The following INTS8 variants were observed in gnomAD, a reference collection of about 807,000 sequenced individuals.
INTS8 encodes integrator complex subunit 8, also known as protein kaonashi-1.
A neutral mutation model predicts 138.9 loss-of-function variants in INTS8; 47 were observed. The ratio of observed to expected loss-of-function variants is 0.34; its 90% CI spans 0.27 to 0.43. The LOEUF is 0.43. INTS8 is among the 20% of genes least tolerant of loss of function. The probability of loss-of-function intolerance (pLI) is 1.00; values close to 1 mark genes in which losing one functional copy is unlikely to be tolerated. For missense variants in INTS8, 996 were observed against 1,173.0 expected (o/e 0.85, Z 2.20); for synonymous variants, 392 against 400.9 (o/e 0.98, Z 0.27).
At chr8:94,834,892 GAGTA>G (rs1387807885) in intron 6 of INTS8, among the ~76,000 whole-genome samples, 1 of 152,150 alleles carries the variant, frequency 6.6e-6, no homozygotes, top group Non-Finnish European at 1.5e-5. Flanking sequence ...TTTGGAAGAG[GAGTA>G]AGTATCTGTT....
At chr8:94,857,071 C>CTT (rs376956021) in intron 15 of INTS8, 93 bp downstream of exon 15, 6,667 of 542,356 alleles carry the variant, frequency 0.012, 9 homozygotes, top group African/African-American at 0.018. Flanking sequence ...AGTTTGTAAT[C>CTT]TTTTTTTTTT....
intron 26 of INTS8, among the ~76,000 whole-genome samples, chr8:94,879,133 T>G (rs1390087260): frequency 6.6e-6 from 1 of 152,228 alleles, no homozygotes; most frequent in African/African-American, 2.4e-5. Context: ...GATACCTGTT[T>G]GAAACAACTC....
chr8:94,844,532 G>T (rs1815260205), intron 10 of INTS8, among the ~76,000 whole-genome samples: 1 of 152,060 alleles, frequency 6.6e-6, no homozygotes, highest in Admixed American at 6.6e-5. Context: ...GGCCAGGCTG[G>T]TCTTGAACTC....
At chr8:94,840,620 C>T (rs1397957638) in intron 8 of INTS8, among the ~76,000 whole-genome samples, 5 of 145,750 alleles carry the variant, frequency 3.4e-5, no homozygotes, top group East Asian at 4.0e-4. Flanking sequence ...TGCAGTGGCA[C>T]GATCTTGGTT....
At chr8:94,875,863 C>G in intron 23 of INTS8, 1 of 484,636 alleles carries the variant, frequency 2.1e-6, no homozygotes, top group Non-Finnish European at 3.7e-6. Context: ...TCAAACAAAC[C>G]TCTAAAATTT....
chr8:94,859,708 G>A, intron 16 of INTS8, 76 bp downstream of exon 16: 1 of 1,188,410 alleles, frequency 8.4e-7, no homozygotes, highest in South Asian at 1.4e-5. Context: ...ACTACTTTGG[G>A]AACTTGTCTA....
Position 94,876,166 on chromosome 8 carries a change from AAAT to A in INTS8, c.2762+23_2762+25del. The stretch of plus-strand genomic sequence containing the variant: ...AAAACAGGTATGAATAATATTTTAA[AAAT>A]AATGAGGTCAACATTTTTCTGCTTA... On this transcript the variant is annotated intron_variant, in intron 24 of 26. Transcript: ENST00000523731. 6.2e-7 allele frequency: 1 copy of A among 1,605,726 alleles called. No individual in the cohort carries two copies. The highest frequency in any genetic ancestry group is 8.5e-7 in the Non-Finnish European group (1 of 1,172,936).
intron 6 of INTS8, among the ~76,000 whole-genome samples, chr8:94,833,609 T>C (rs1814808390): frequency 6.6e-6 from 1 of 152,208 alleles, no homozygotes; most frequent in Non-Finnish European, 1.5e-5. Flanking sequence ...ATGACACTTC[T>C]GATTTTTGCA....
intron 16 of INTS8, among the ~76,000 whole-genome samples, chr8:94,861,256 ATTTT>A (rs1210530804): frequency 7.0e-4 from 40 of 57,384 alleles, no homozygotes; most frequent in African/African-American, 2.4e-3. Context: ...CCTTTTTGTA[ATTTT>A]TTTTTTTTTT....
intron 1 of INTS8, among the ~76,000 whole-genome samples, chr8:94,824,550 C>T (rs1814408964): frequency 6.6e-6 from 1 of 152,136 alleles, no homozygotes; most frequent in Non-Finnish European, 1.5e-5. Context: ...ATATTTATAT[C>T]TCATTCTTCT....
intron 16 of INTS8, among the ~76,000 whole-genome samples, chr8:94,862,859 ACACACACG>A (rs1045838924): frequency 2.6e-4 from 39 of 151,900 alleles, no homozygotes; most frequent in East Asian, 1.4e-3. Flanking sequence ...TGCACCACAC[ACACACACG>A]CACACACGTG....
chr8:94,834,393 G>GTGTA (rs1389307107), intron 6 of INTS8, among the ~76,000 whole-genome samples: 2 of 151,568 alleles, frequency 1.3e-5, no homozygotes, highest in South Asian at 2.1e-4. Flanking sequence ...GTGTGTGTGT[G>GTGTA]TGTGTATTTT....
Position 94,880,639 on chromosome 8 carries a change from A to G in INTS8, c.*405A>G. On this transcript the variant is annotated 3_prime_UTR_variant, in exon 27 of 27. Coordinates refer to ENST00000523731, the MANE Select transcript of INTS8 (RefSeq NM_017864.4). ...TATTTAATACTCTTCTTCCTTAAGA[A>G]AATAGAAGTTTAGGTCAAGTGTTAA... The G allele has an allele frequency of 2.6e-6, 1 of 382,458 alleles. No homozygotes were observed. 23.7% of individuals were successfully genotyped at this position (382,458 alleles called of 1,614,324 possible).
Position 94,870,653 on chromosome 8 carries a change from A to G in INTS8, c.2415-1231A>G, listed in dbSNP as rs1816363204. ...GTAAGCCAATCTAACTTATATAACT[A>G]TTTAAATTTAAATAAATAATGGACT... On this transcript the variant is annotated intron_variant, in intron 20 of 26. Coordinates refer to ENST00000523731, the MANE Select transcript of INTS8 (RefSeq NM_017864.4). Among the ~76,000 whole-genome samples the G allele has an allele frequency of 2.0e-5, 3 of 152,334 alleles. No individual in the cohort carries two copies. The South Asian group carries it at 6.2e-4, about 32-fold the overall frequency.
rs955971451 is a variant in INTS8 at position 94,823,625 on chromosome 8, C to G, written c.130+64C>G. ...CACCGGCGCTGTCCGCCCAGCTTCC[C>G]TCCGCTCCCCGCCTTCTCGGTCACC... On this transcript the variant is annotated intron_variant, in intron 1 of 26. Coordinates refer to ENST00000523731, the MANE Select transcript of INTS8 (RefSeq NM_017864.4). 43 of 1,314,984 alleles carry G rather than the reference C, an allele frequency of 3.3e-5. 1 individual carries two copies. In the Admixed American group the frequency reaches 1.1e-3, roughly 33 times the overall value. The allele number at this position is 1,314,984 out of a possible 1,614,324, so 81.5% of individuals were successfully genotyped here.
At chr8:94,854,778 C>T (rs994025327) in intron 14 of INTS8, among the ~76,000 whole-genome samples, 33 of 152,174 alleles carry the variant, frequency 2.2e-4, no homozygotes, top group Admixed American at 1.8e-3. Flanking sequence ...GTTGCCCAGA[C>T]CGGGGTGCAG....
chr8:94,829,150 TGGGGGGC>T, intron 5 of INTS8, 124 bp downstream of exon 5: 1 of 652,082 alleles, frequency 1.5e-6, no homozygotes, highest in Non-Finnish European at 2.7e-6. Context: ...GGATGTGGTG[TGGGGGGC>T]GGGGGGCGAG....
At position 94,838,343 on chromosome 8, in the gene INTS8, C is replaced by T. The variant is rs557906486; in HGVS notation, c.862-120C>T. 63 of 787,372 alleles carry T rather than the reference C, an allele frequency of 8.0e-5. No individual in the cohort carries two copies. In the Admixed American group the frequency reaches 8.0e-4, roughly 10 times the overall value. The allele number at this position is 787,372 out of a possible 1,614,324, so 48.8% of individuals were successfully genotyped here. The stretch of plus-strand genomic sequence containing the variant: ...GGGATTACAGGCGTGAACCGCTGTG[C>T]CCAGCCCGGCTTGAATTTTTCGTTA... On this transcript the variant is annotated intron_variant, in intron 7 of 26. Transcript: ENST00000523731.
At chr8:94,877,949 T>C (rs897835172) in intron 26 of INTS8, among the ~76,000 whole-genome samples, 2 of 152,150 alleles carry the variant, frequency 1.3e-5, no homozygotes, top group African/African-American at 2.4e-5. Context: ...GAGGTACCGA[T>C]TCAGTTGGTC....
Sources: gnomAD v4.1 joint callset for allele counts (sites outside exome capture counted in the v4.1 genomes callset) on GRCh38, gnomAD v4.1.1 for gene constraint, MANE v1.5 for transcripts, NCBI Gene and HGNC (gene_info 2026-07-23, HGNC 2026-07-21) for gene names.